Variants in NRP2 observed in about 807,000 individuals in gnomAD.
NRP2 encodes the protein neuropilin-2.
Under a neutral mutation model 110.4 loss-of-function variants are expected in NRP2, and 52 were observed. The observed-to-expected ratio is 0.47, with a 90% CI of 0.38 to 0.59. The LOEUF (loss-of-function observed/expected upper bound fraction) is 0.59, where lower values mean the gene tolerates loss of function less well. Ranked by LOEUF, NRP2 falls within the 20% of genes least tolerant of loss-of-function variation. The probability of loss-of-function intolerance (pLI) is 0.00; values close to 1 mark genes in which losing one functional copy is unlikely to be tolerated. For synonymous variants in NRP2, 508 were observed against 468.9 expected (o/e 1.08, Z -1.08); for missense variants, 1,049 against 1,203.0 (o/e 0.87, Z 1.89).
chr2:205,683,442 C>T (rs2056060927), intron 1 of NRP2, 79 bp downstream of exon 1: 1 of 959,472 alleles, frequency 1.0e-6, no homozygotes, highest in Non-Finnish European at 1.7e-6. Context: ...GAAGGCCACG[C>T]AGAACGGCAC....
chr2:205,766,378 A>AC (rs1319094101), intron 14 of NRP2, among the ~76,000 whole-genome samples: 1 of 151,818 alleles, frequency 6.6e-6, no homozygotes, highest in East Asian at 1.9e-4. Flanking sequence ...TTGGCACACG[A>AC]CCCCTGGTGT....
intron 2 of NRP2, among the ~76,000 whole-genome samples, chr2:205,713,408 T>A (rs1388585847): frequency 6.6e-6 from 1 of 152,206 alleles, no homozygotes; most frequent in Non-Finnish European, 1.5e-5. Context: ...TTCTGTGACA[T>A]GGATGATGAT....
chr2:205,753,063 A>T, intron 12 of NRP2, 88 bp downstream of exon 12: 1 of 1,525,774 alleles, frequency 6.6e-7, no homozygotes. Context: ...AAGCTTCATA[A>T]CTTCCCACCG....
At chr2:205,695,278 A>T (rs1375802821) in intron 1 of NRP2, among the ~76,000 whole-genome samples, 1 of 152,182 alleles carries the variant, frequency 6.6e-6, no homozygotes, top group Non-Finnish European at 1.5e-5. Context: ...GCTATGGGAT[A>T]TATATATAGT....
At chr2:205,701,587 G>C (rs964835250) in intron 2 of NRP2, 14 of 151,692 alleles carry the variant, frequency 9.2e-5, no homozygotes, top group African/African-American at 2.9e-4. Context: ...TACCTTGATG[G>C]GTCTCAGAAA....
At position 205,683,007 on chromosome 2, in the gene NRP2, A is replaced by G. The variant is rs1422480749; in HGVS notation, c.-284A>G. On this transcript the variant is annotated 5_prime_UTR_variant, in exon 1 of 17. Transcript: ENST00000357785. ...GGATAAAGGAAATGACACTTTGAGG[A>G]ACTGGAGAGAACATATATGCGTTTT... is the stretch of plus-strand genomic sequence containing the variant. 2 of 426,062 alleles carry G rather than the reference A, an allele frequency of 4.7e-6. No individual in the cohort carries two copies. The highest frequency in any genetic ancestry group is 8.5e-6 in the Non-Finnish European group (2 of 234,236). The allele number at this position is 426,062 out of a possible 1,614,324, so 26.4% of individuals were successfully genotyped here.
chr2:205,782,043 G>A (rs548736641), intron 15 of NRP2, among the ~76,000 whole-genome samples: 12 of 150,220 alleles, frequency 8.0e-5, no homozygotes, highest in Admixed American at 4.0e-4. Flanking sequence ...AGAGCGACAA[G>A]ATTTGGGAAA....
intron 8 of NRP2, among the ~76,000 whole-genome samples, chr2:205,742,484 T>C (rs1025165438): frequency 6.6e-6 from 1 of 152,296 alleles, no homozygotes; most frequent in African/African-American, 2.4e-5. Flanking sequence ...ATTGAAAATT[T>C]GGGAACAGCT....
chr2:205,738,628 C>A lies in NRP2; in HGVS notation c.1147-1891C>A, dbSNP rs570681332. On this transcript the variant is annotated intron_variant, in intron 7 of 16. Coordinates refer to ENST00000357785, the MANE Select transcript of NRP2 (RefSeq NM_003872.3). ...TTGGCTTTTCTCCTTCCCTCGCTAA[C>A]TTGGTCTTCTCACTCCTTCTCATCC... 1.6e-4 allele frequency among the ~76,000 whole-genome samples: 24 copies of A among 152,242 alleles called. No homozygotes were observed. The East Asian group carries it at 3.1e-3, about 20-fold the overall frequency.
At position 205,765,559 on chromosome 2, in the gene NRP2, A is replaced by G; in HGVS notation, c.2393A>G (p.Glu798Gly). The G allele has an allele frequency of 6.2e-7, 1 of 1,612,412 alleles. No homozygotes were observed. The highest frequency in any genetic ancestry group is 1.1e-5 in the South Asian group (1 of 91,046). Residue 798 changes from glutamate to glycine, a missense_variant, in exon 14 of 17, where the codon GAG becomes GGG. Glu to Gly is a moderately conservative substitution (Grantham distance 98, BLOSUM62 -2). Coordinates refer to ENST00000357785, the MANE Select transcript of NRP2 (RefSeq NM_003872.3). Reference protein sequence around the residue: ...DIRISTDVPLENCMEPISAFA... With the variant: ...DIRISTDVPLGNCMEPISAFA... ...CGGATAAGCACTGATGTCCCACTGGAGAACTGCATGGGTATGTGAATATCT... is the reference window on the plus strand; with the variant it reads ...CGGATAAGCACTGATGTCCCACTGGGGAACTGCATGGGTATGTGAATATCT...
intron 15 of NRP2, among the ~76,000 whole-genome samples, chr2:205,789,917 G>A (rs2058279670): frequency 6.6e-6 from 1 of 152,232 alleles, no homozygotes; most frequent in Non-Finnish European, 1.5e-5. Flanking sequence ...AAGGGGACTA[G>A]AGAAAATTGC....
chr2:205,728,734 G>A (rs954007952), intron 7 of NRP2, among the ~76,000 whole-genome samples: 11 of 152,218 alleles, frequency 7.2e-5, no homozygotes, highest in Admixed American at 5.2e-4. Context: ...TGGCACAGGC[G>A]ATGTGCTGGC....
chr2:205,731,324 T>C (rs1195220446), intron 7 of NRP2, among the ~76,000 whole-genome samples: 3 of 152,202 alleles, frequency 2.0e-5, no homozygotes, highest in Non-Finnish European at 4.4e-5. Flanking sequence ...GATGCAGACA[T>C]GGCATTGTTA....
chr2:205,714,991 C>T (rs552326206), intron 2 of NRP2, among the ~76,000 whole-genome samples: 2 of 152,236 alleles, frequency 1.3e-5, no homozygotes, highest in African/African-American at 2.4e-5. Context: ...CCTCTCCTTA[C>T]CCGCAAGGAA....
At chr2:205,695,359 CG>C (rs1353905891) in intron 1 of NRP2, among the ~76,000 whole-genome samples, 8 of 152,096 alleles carry the variant, frequency 5.3e-5, no homozygotes, top group African/African-American at 1.9e-4. Flanking sequence ...AACCTTCCTG[CG>C]AAGAAGTTTC....
rs2056173764 is a variant in NRP2 at position 205,686,697 on chromosome 2, A to G, written c.73+3334A>G. Among the ~76,000 whole-genome samples the G allele has an allele frequency of 6.6e-6, 1 of 152,114 alleles. No homozygotes were observed. Among genetic ancestry groups the G allele is most frequent in the South Asian group, 2.1e-4 (1 of 4,822 alleles). On this transcript the variant is annotated intron_variant, in intron 1 of 16. Coordinates refer to ENST00000357785, the MANE Select transcript of NRP2 (RefSeq NM_003872.3). The surrounding 1 kb of genome is among the most constrained non-coding windows in gnomAD (Gnocchi z 4.7). ...CTTCGGGAATCAGCTTTCCAGACCA[A>G]GTTTTAGGGGATCTTGCCCATATGC... is the stretch of plus-strand genomic sequence containing the variant.
intron 7 of NRP2, among the ~76,000 whole-genome samples, chr2:205,730,558 CCTGCT>C (rs985196200): frequency 7.2e-5 from 11 of 152,078 alleles, no homozygotes; most frequent in African/African-American, 1.9e-4. Context: ...AAGGCAACCG[CCTGCT>C]CTGCTCTGCT....
At chr2:205,693,714 CA>C (rs1214269463) in intron 1 of NRP2, among the ~76,000 whole-genome samples, 5 of 152,164 alleles carry the variant, frequency 3.3e-5, no homozygotes, top group Admixed American at 6.5e-5. Context: ...CCAGTCCCAT[CA>C]CCCCAGACTC....
intron 2 of NRP2, among the ~76,000 whole-genome samples, chr2:205,706,946 T>C (rs2056691204): frequency 6.6e-6 from 1 of 152,258 alleles, no homozygotes; most frequent in Non-Finnish European, 1.5e-5. Flanking sequence ...ACAGCCTGCT[T>C]CTGGCTGTGA....
Sources: gnomAD v4.1 joint callset for allele counts (sites outside exome capture counted in the v4.1 genomes callset) on GRCh38, gnomAD v4.1.1 for gene constraint, Gnocchi (gnomAD v3.1) non-coding constraint, MANE v1.5 for transcripts, NCBI Gene and HGNC (gene_info 2026-07-23, HGNC 2026-07-21) for gene names.